WDR4: variants seen among roughly 807,000 people sequenced by gnomAD.
WDR4 encodes the protein tRNA (guanine-N(7)-)-methyltransferase non-catalytic subunit WDR4.
In WDR4, 47 loss-of-function variants were observed where a neutral mutation model predicts 48.6. The ratio of observed to expected loss-of-function variants is 0.97; its 90% CI spans 0.77 to 1.23. The LOEUF (loss-of-function observed/expected upper bound fraction) is 1.23, where lower values mean the gene tolerates loss of function less well. WDR4 is among the 50% of genes most tolerant of loss of function. The pLI, the probability that WDR4 is intolerant of heterozygous loss-of-function variation, is 0.00. For synonymous variants in WDR4, 268 were observed against 230.0 expected (o/e 1.17, Z -1.49); for missense variants, 606 against 551.6 (o/e 1.10, Z -0.99).
Position 42,855,766 on chromosome 21 carries a change from C to A in WDR4, c.642G>T (p.Arg214Ser). ...LLSSSGDGTL[R>S]LWEYRSGRQL... is the part of the protein sequence containing the mutation. ...GGCGGCCGCTCCTGTACTCCCAGAG[C>A]CTCAGGGTGCCGTCCTGCACAAACC... The change falls in exon 7 of 11, where the codon AGG becomes AGT. Residue 214 changes from arginine to serine, a missense_variant. Physicochemically the swap from Arg to Ser is moderately radical, Grantham distance 110 (BLOSUM62 -1). Transcript: ENST00000398208. The A allele has an allele frequency of 6.4e-7, 1 of 1,551,946 alleles. No individual in the cohort carries two copies. Among genetic ancestry groups the A allele is most frequent in the Non-Finnish European group, 8.7e-7 (1 of 1,147,220 alleles).
chr21:42,884,507 C>T (rs1325086187), upstream of WDR4, among the ~76,000 whole-genome samples: 1 of 151,608 alleles, frequency 6.6e-6, no homozygotes, highest in East Asian at 2.0e-4. Flanking sequence ...ATTAGCTGGT[C>T]GTGGTGTTGC....
intron 2 of WDR4, among the ~76,000 whole-genome samples, chr21:42,874,032 C>A (rs368024147): frequency 4.6e-5 from 7 of 152,144 alleles, no homozygotes; most frequent in African/African-American, 1.7e-4. Context: ...ATACTAATAA[C>A]AGGCCAGGTA....
At chr21:42,850,332 T>A in intron 10 of WDR4, 90 bp from the exon 11 acceptor site, 8 of 1,221,022 alleles carry the variant, frequency 6.6e-6, no homozygotes, top group Non-Finnish European at 9.0e-6. Flanking sequence ...GGGAGTTACC[T>A]CGTGACTCCC....
intron 3 of WDR4, among the ~76,000 whole-genome samples, chr21:42,872,968 C>T (rs2058406078): frequency 6.6e-6 from 1 of 152,136 alleles, no homozygotes; most frequent in Non-Finnish European, 1.5e-5. Flanking sequence ...ATAGGGAAGG[C>T]AGAAGAACCT....
intron 4 of WDR4, 127 bp downstream of exon 4, chr21:42,863,313 C>G: frequency 1.7e-6 from 2 of 1,193,210 alleles, no homozygotes; most frequent in Non-Finnish European, 2.4e-6. Flanking sequence ...CTGCGTCTAA[C>G]AGCATGGACA....
At chr21:42,873,815 C>CA in intron 2 of WDR4, 124 bp from the exon 3 acceptor site, 1 of 1,106,012 alleles carries the variant, frequency 9.0e-7, no homozygotes, top group East Asian at 2.6e-5. Flanking sequence ...ATCACGTAGC[C>CA]AAAATACAGA....
intron 2 of WDR4, 129 bp from the exon 3 acceptor site, chr21:42,873,820 TAC>T (rs2058429153): frequency 1.9e-6 from 2 of 1,052,000 alleles, no homozygotes; most frequent in Middle Eastern, 2.1e-4. Flanking sequence ...GTAGCCAAAA[TAC>T]AGACATATTA....
intron 5 of WDR4, among the ~76,000 whole-genome samples, chr21:42,859,957 A>G (rs1397552650): frequency 6.6e-6 from 1 of 152,090 alleles, no homozygotes; most frequent in Non-Finnish European, 1.5e-5. Context: ...TGGGTCCCCA[A>G]CAGCACAGCA....
chr21:42,878,314 T>A (rs994337418), intron 1 of WDR4, among the ~76,000 whole-genome samples: 1 of 152,144 alleles, frequency 6.6e-6, no homozygotes, highest in Non-Finnish European at 1.5e-5. Context: ...ACTTTCCATA[T>A]GGAACCGTGG....
downstream of WDR4, among the ~76,000 whole-genome samples, chr21:42,845,377 CACAGA>C (rs2057702115): frequency 6.6e-6 from 1 of 151,414 alleles, no homozygotes; most frequent in East Asian, 1.9e-4. Flanking sequence ...CAGGAAGAAA[CACAGA>C]AAGCTCTCCT....
chr21:42,844,106 G>A (rs779585033), intron 11 of WDR4, among the ~76,000 whole-genome samples: 4 of 152,190 alleles, frequency 2.6e-5, no homozygotes, highest in East Asian at 1.9e-4. Context: ...GCTTGAAGAC[G>A]TGGAAACAGA....
chr21:42,844,796 C>A (rs1377373137), downstream of WDR4, among the ~76,000 whole-genome samples: 1 of 152,218 alleles, frequency 6.6e-6, no homozygotes, highest in Non-Finnish European at 1.5e-5. Flanking sequence ...TCCTTCCCAC[C>A]GTGGTGAATG....
At chr21:42,845,557 A>C (rs1472166747), downstream of WDR4, among the ~76,000 whole-genome samples, 3 of 152,174 alleles carry the variant, frequency 2.0e-5, no homozygotes, top group African/African-American at 7.2e-5. Flanking sequence ...GGTTTTGGTA[A>C]GGTGGCCTCA....
chr21:42,886,313 G>T, the WDR4 span, among the ~76,000 whole-genome samples: 1 of 152,138 alleles, frequency 6.6e-6, no homozygotes, highest in East Asian at 1.9e-4. Flanking sequence ...TTTTCCTCTT[G>T]ATTTATTAAT....
chr21:42,872,837 T>C (rs2058403092), intron 3 of WDR4, among the ~76,000 whole-genome samples: 1 of 152,020 alleles, frequency 6.6e-6, no homozygotes, highest in Admixed American at 6.6e-5. Context: ...CTGGAGAAGC[T>C]GAGGCAGGAG....
At chr21:42,851,244 A>G (rs2057820615) in intron 10 of WDR4, among the ~76,000 whole-genome samples, 1 of 152,192 alleles carries the variant, frequency 6.6e-6, no homozygotes, top group South Asian at 2.1e-4. Flanking sequence ...GCAGTCCCTG[A>G]CACAGCCAGT....
chr21:42,855,749 C>T lies in WDR4; in HGVS notation c.659G>A (p.Ser220Asn), dbSNP rs769683726. The change falls in exon 7 of 11, where the codon AGC (serine) becomes AAC (asparagine). Residue 220 changes from serine to asparagine, a missense_variant. Ser to Asn is a conservative substitution (Grantham distance 46). Coordinates refer to ENST00000398208, the MANE Select transcript of WDR4 (RefSeq NM_018669.6). ...GTGACAGCAGTGCAGCTGGCGGCCG[C>T]TCCTGTACTCCCAGAGCCTCAGGGT... ...DGTLRLWEYR[S>N]GRQLHCCHLA... 1.2e-5 allele frequency: 18 copies of T among 1,552,956 alleles called. No individual in the cohort carries two copies. Among genetic ancestry groups the T allele is most frequent in the African/African-American group, 6.8e-5 (5 of 73,154 alleles).
chr21:42,876,618 T>C, intron 2 of WDR4, 84 bp downstream of exon 2: 1 of 1,308,404 alleles, frequency 7.6e-7, no homozygotes, highest in South Asian at 1.3e-5. Context: ...ATTCAGCAAG[T>C]AGGACAACAA....
chr21:42,867,638 C>A (rs2058278366), intron 3 of WDR4, among the ~76,000 whole-genome samples: 1 of 152,140 alleles, frequency 6.6e-6, no homozygotes, highest in African/African-American at 2.4e-5. Flanking sequence ...GAGCATCTTC[C>A]CTATGCTCAC....
Sources: gnomAD v4.1 joint callset for allele counts (sites outside exome capture counted in the v4.1 genomes callset) on GRCh38, gnomAD v4.1.1 for gene constraint, MANE v1.5 for transcripts, NCBI Gene and HGNC (gene_info 2026-07-23, HGNC 2026-07-21) for gene names.